The following OR2A5 variants were observed in gnomAD, a reference collection of about 807,000 sequenced individuals.
The protein encoded by OR2A5 is olfactory receptor family 2 subfamily A member 5.
OR2A5 carries 2 observed loss-of-function variants against 1.9 expected under a neutral mutation model. The ratio of observed to expected loss-of-function variants is 1.04; its 90% CI spans 0.43 to 3.28. OR2A5 has a LOEUF of 3.28. Among genes scored for constraint, OR2A5 ranks in the 30% most tolerant of loss-of-function variants. The pLI, the probability that OR2A5 is intolerant of heterozygous loss-of-function variation, is 0.08. For synonymous variants in OR2A5, 160 were observed against 154.5 expected (o/e 1.04, Z -0.26); for missense variants, 391 against 375.9 (o/e 1.04, Z -0.33).
Position 144,058,173 on chromosome 7 carries a change from C to G in OR2A5, c.*6836C>G, listed in dbSNP as rs2050954942. 6.6e-6 allele frequency: 1 copy of G among 152,218 alleles called. No individual in the cohort carries two copies. Among genetic ancestry groups the G allele is most frequent in the Non-Finnish European group, 1.5e-5 (1 of 68,050 alleles). 9.4% of individuals were successfully genotyped at this position (152,218 alleles called of 1,614,324 possible). A position where few individuals can be genotyped will look rare whatever the true frequency, so the allele number is the denominator to read the frequency against. On this transcript the variant is annotated 3_prime_UTR_variant, in exon 2 of 2. Coordinates refer to ENST00000641693, the MANE Select transcript of OR2A5 (RefSeq NM_012365.2). ...CATGAGTCACTGGTCAGCTCAGCGGCTATCCCGACCTGCTGCCTGACTCCC... is the reference window on the plus strand; with the variant it reads ...CATGAGTCACTGGTCAGCTCAGCGGGTATCCCGACCTGCTGCCTGACTCCC...
At position 144,050,613 on chromosome 7, in the gene OR2A5, C is replaced by T. The variant is rs149614119; in HGVS notation, c.212C>T (p.Ser71Leu). The change falls in exon 2 of 2, where the codon TCG (serine) becomes TTG (leucine). Residue 71 changes from serine to leucine, a missense_variant. Ser to Leu is a moderately radical substitution (Grantham distance 145). Coordinates refer to ENST00000641693, the MANE Select transcript of OR2A5 (RefSeq NM_012365.2). ...FLSHLAIIDI[S>L]YASNNVPKML... ...TCACACCTGGCCATCATTGATATTT[C>T]GTATGCTTCCAACAATGTCCCCAAG... 20 of 1,612,418 alleles carry T rather than the reference C, an allele frequency of 1.2e-5. No homozygotes were observed. Among genetic ancestry groups the T allele is most frequent in the Middle Eastern group, 1.7e-4 (1 of 6,050 alleles).
intron 1 of OR2A5, among the ~76,000 whole-genome samples, 194 bp downstream of exon 1, chr7:144,049,327 A>T (rs1043142682): frequency 2.0e-5 from 3 of 152,224 alleles, no homozygotes; most frequent in Non-Finnish European, 4.4e-5. Flanking sequence ...TGACGCATTG[A>T]TCATTTAACA....
At chr7:144,049,605 G>A (rs768993224) in intron 1 of OR2A5, among the ~76,000 whole-genome samples, 2 of 152,144 alleles carry the variant, frequency 1.3e-5, no homozygotes, top group Non-Finnish European at 2.9e-5. Context: ...GCAAAGGGGT[G>A]GGGTGAAGGC....
chr7:144,053,751 A>C lies in OR2A5; in HGVS notation c.*2414A>C, dbSNP rs113539855. On this transcript the variant is annotated 3_prime_UTR_variant, in exon 2 of 2. Transcript: ENST00000641693. ...AACGGAGTTTACAGTATTATAGCCA[A>C]AGTCTTAACACCAGAAAGAATACAT... The C allele has an allele frequency of 1.1e-4, 16 of 152,356 alleles. 1 individual carries two copies. The highest frequency in any genetic ancestry group is 3.8e-4 in the African/African-American group (16 of 41,576). 9.4% of individuals were successfully genotyped at this position (152,356 alleles called of 1,614,324 possible). A position where few individuals can be genotyped will look rare whatever the true frequency, so the allele number is the denominator to read the frequency against.
rs748459892 is a variant in OR2A5, at chr7:144,051,338, G to A, written c.*1G>A. 4.4e-6 allele frequency: 7 copies of A among 1,593,764 alleles called. No individual in the cohort carries two copies. In the South Asian group the frequency reaches 8.0e-5, roughly 18 times the overall value. On this transcript the variant is annotated 3_prime_UTR_variant, in exon 2 of 2. Transcript: ENST00000641693. Reference sequence around the variant, plus strand: ...GTTGTGGAAACAGAGATCAAAGTGAGGGATGCCAGGGAAAGTCTAGAGGGT... The same window carrying A: ...GTTGTGGAAACAGAGATCAAAGTGAAGGATGCCAGGGAAAGTCTAGAGGGT...
rs1222199524 is a variant in OR2A5 at position 144,049,131 on chromosome 7, A to G, written c.-54A>G. 6.6e-6 allele frequency: 1 copy of G among 152,236 alleles called. No individual in the cohort carries two copies. Among genetic ancestry groups the G allele is most frequent in the Non-Finnish European group, 1.5e-5 (1 of 68,062 alleles). 9.4% of individuals were successfully genotyped at this position (152,236 alleles called of 1,614,324 possible). On this transcript the variant is annotated splice_region_variant and 5_prime_UTR_variant, in exon 1 of 2. Coordinates refer to ENST00000641693, the MANE Select transcript of OR2A5 (RefSeq NM_012365.2). ...CTGAGACAAGACCAGGCCTGATACCACAGTGAGTAAAGGGTCTTTTGCAAA... is the reference window on the plus strand; with the variant it reads ...CTGAGACAAGACCAGGCCTGATACCGCAGTGAGTAAAGGGTCTTTTGCAAA...
rs771017848 is a variant in OR2A5, at chr7:144,052,050, A to C, written c.*713A>C. 1 of 152,224 alleles carries C rather than the reference A, an allele frequency of 6.6e-6. No homozygotes were observed. The highest frequency in any genetic ancestry group is 1.5e-5 in the Non-Finnish European group (1 of 68,036). The allele number at this position is 152,224 out of a possible 1,614,324, so 9.4% of individuals were successfully genotyped here. On this transcript the variant is annotated 3_prime_UTR_variant, in exon 2 of 2. Transcript: ENST00000641693. ...GTTATTAGGGATAGTTACCTTTTTC[A>C]TAATTCAGATCGCAAAGCCGGGTGT...
In OR2A5 at chr7:144,050,644, G is replaced by T; in HGVS notation, c.243G>T (p.Leu81=). ...SYASNNVPKM[L]TNLGLNKRKT... is the part of the protein sequence containing the mutation. The stretch of plus-strand genomic sequence containing the variant: ...CTTCCAACAATGTCCCCAAGATGCT[G>T]ACAAACCTTGGCTTGAACAAGAGAA... Residue 81 remains leucine, a synonymous_variant, in exon 2 of 2, where the codon CTG becomes CTT. Transcript: ENST00000641693. 1 of 1,613,886 alleles carries T rather than the reference G, an allele frequency of 6.2e-7. No homozygotes were observed. The highest frequency in any genetic ancestry group is 8.5e-7 in the Non-Finnish European group (1 of 1,179,902).
chr7:144,049,510 A>G (rs1452057220), intron 1 of OR2A5, among the ~76,000 whole-genome samples: 2 of 152,190 alleles, frequency 1.3e-5, no homozygotes, highest in Admixed American at 1.3e-4. Flanking sequence ...TCGTCCATCC[A>G]TCCATCCATC....
In OR2A5 at chr7:144,057,002, GACGGGGTTTC is replaced by G. The variant is rs2050946199; in HGVS notation, c.*5668_*5677del. 1 of 151,994 alleles carries G rather than the reference GACGGGGTTTC, an allele frequency of 6.6e-6. No homozygotes were observed. 9.4% of individuals were successfully genotyped at this position (151,994 alleles called of 1,614,324 possible). ...GCTAATTTTTTGCATTTTTAGTAGA[GACGGGGTTTC>G]ACTGTGTTAGCCAGGATGGTCTCGA... On this transcript the variant is annotated 3_prime_UTR_variant, in exon 2 of 2. Coordinates refer to ENST00000641693, the MANE Select transcript of OR2A5 (RefSeq NM_012365.2).
rs908510383 is a variant in OR2A5, at chr7:144,055,985, A to G, written c.*4648A>G. The G allele has an allele frequency of 4.6e-5, 7 of 152,284 alleles. No individual in the cohort carries two copies. The highest frequency in any genetic ancestry group is 1.7e-4 in the African/African-American group (7 of 41,468). The allele number at this position is 152,284 out of a possible 1,614,324, so 9.4% of individuals were successfully genotyped here. A position where few individuals can be genotyped will look rare whatever the true frequency, so the allele number is the denominator to read the frequency against. On this transcript the variant is annotated 3_prime_UTR_variant, in exon 2 of 2. Transcript: ENST00000641693. ...GAGAGGAAATGAAAAAGACAAAATT[A>G]GCCCCCAAGGCAAGATAAACATCTC...
In OR2A5 at chr7:144,051,295, G is replaced by C; in HGVS notation, c.894G>C (p.Lys298Asn). 1 of 1,613,124 alleles carries C rather than the reference G, an allele frequency of 6.2e-7. No homozygotes were observed. Among genetic ancestry groups the C allele is most frequent in the East Asian group, 2.2e-5 (1 of 44,876 alleles). The stretch of plus-strand genomic sequence containing the variant: ...ATAGCCTGAGGAACGCAGAGGTCAA[G>C]GGTGCCCTGAAAAGAGTGTTGTGGA... ...LIYSLRNAEV[K>N]GALKRVLWKQ... is the part of the protein sequence containing the mutation. The change falls in exon 2 of 2, where the codon AAG becomes AAC. Residue 298 changes from lysine (K) to asparagine (N), a missense_variant. By Grantham distance (94) the Lys-to-Asn change is moderately conservative. Coordinates refer to ENST00000641693, the MANE Select transcript of OR2A5 (RefSeq NM_012365.2).
intron 1 of OR2A5, among the ~76,000 whole-genome samples, 191 bp downstream of exon 1, chr7:144,049,324 T>C (rs1407137620): frequency 6.6e-6 from 1 of 152,236 alleles, no homozygotes; most frequent in African/African-American, 2.4e-5. Flanking sequence ...GAATGACGCA[T>C]TGATCATTTA....
rs747770267 is a variant in OR2A5 at position 144,050,704 on chromosome 7, CT to C, written c.308del (p.Leu103TyrfsTer14). The C allele has an allele frequency of 1.2e-6, 2 of 1,614,122 alleles. No individual in the cohort carries two copies. The highest frequency in any genetic ancestry group is 1.7e-6 in the Non-Finnish European group (2 of 1,180,020). Reference protein sequence around the residue: ...ISFVPCTMQTFLYMAFAHTEC... With the variant: ...ISFVPCTMQTXLYMAFAHTEC... ...CCTTTGTCCCATGCACAATGCAGAC[CT>C]TTTTATACATGGCTTTTGCTCACAC... On this transcript the variant is annotated frameshift_variant, in exon 2 of 2. Coordinates refer to ENST00000641693, the MANE Select transcript of OR2A5 (RefSeq NM_012365.2). LOFTEE classifies it low-confidence loss of function (END_TRUNC).
chr7:144,054,618 G>T lies in OR2A5; in HGVS notation c.*3281G>T, dbSNP rs946097155. The T allele has an allele frequency of 2.0e-5, 3 of 152,192 alleles. No homozygotes were observed. Among genetic ancestry groups the T allele is most frequent in the African/African-American group, 7.2e-5 (3 of 41,448 alleles). The allele number at this position is 152,192 out of a possible 1,614,324, so 9.4% of individuals were successfully genotyped here. A position where few individuals can be genotyped will look rare whatever the true frequency, so the allele number is the denominator to read the frequency against. On this transcript the variant is annotated 3_prime_UTR_variant, in exon 2 of 2. Coordinates refer to ENST00000641693, the MANE Select transcript of OR2A5 (RefSeq NM_012365.2). ...TTGGGGAAGGTCTCCACCAAAGGAG[G>T]TTGAAGGTTAGTACACAGGAGGTTG...
chr7:144,050,594 C>G lies in OR2A5; in HGVS notation c.193C>G (p.Leu65Val), dbSNP rs988790481. The change falls in exon 2 of 2, where the codon CTG becomes GTG. Residue 65 changes from leucine to valine, a missense_variant. By Grantham distance (32) the Leu-to-Val change is conservative (BLOSUM62 1). Transcript: ENST00000641693. ...CCCCATGTACTTCTTTCTCTCACAC[C>G]TGGCCATCATTGATATTTCGTATGC... The part of the protein sequence containing the change: ...HTPMYFFLSH[L>V]AIIDISYASN... The G allele has an allele frequency of 6.2e-7, 1 of 1,611,388 alleles. No homozygotes were observed. Among genetic ancestry groups the G allele is most frequent in the Non-Finnish European group, 8.5e-7 (1 of 1,178,650 alleles).
rs569979799 is a variant in OR2A5 at position 144,054,641 on chromosome 7, T to C, written c.*3304T>C. 141 of 152,238 alleles carry C rather than the reference T, an allele frequency of 9.3e-4. No individual in the cohort carries two copies. Among genetic ancestry groups the C allele is most frequent in the African/African-American group, 3.2e-3 (133 of 41,526 alleles). The allele number at this position is 152,238 out of a possible 1,614,324, so 9.4% of individuals were successfully genotyped here. A position where few individuals can be genotyped will look rare whatever the true frequency, so the allele number is the denominator to read the frequency against. On this transcript the variant is annotated 3_prime_UTR_variant, in exon 2 of 2. Coordinates refer to ENST00000641693, the MANE Select transcript of OR2A5 (RefSeq NM_012365.2). ...AGGTTGAAGGTTAGTACACAGGAGG[T>C]TGGGTATGAAATGGTGTTCATTGTT...
rs935266213 is a variant in OR2A5 at position 144,055,048 on chromosome 7, A to G, written c.*3711A>G. 6.6e-6 allele frequency: 1 copy of G among 152,212 alleles called. No individual in the cohort carries two copies. Among genetic ancestry groups the G allele is most frequent in the African/African-American group, 2.4e-5 (1 of 41,450 alleles). 9.4% of individuals were successfully genotyped at this position (152,212 alleles called of 1,614,324 possible). A position where few individuals can be genotyped will look rare whatever the true frequency, so the allele number is the denominator to read the frequency against. On this transcript the variant is annotated 3_prime_UTR_variant, in exon 2 of 2. Coordinates refer to ENST00000641693, the MANE Select transcript of OR2A5 (RefSeq NM_012365.2). ...TATAGATGAGCAAATAAATGAGTGCATAGCCATAAATAATTTTTGAAATGA... is the reference window on the plus strand; with the variant it reads ...TATAGATGAGCAAATAAATGAGTGCGTAGCCATAAATAATTTTTGAAATGA...
At position 144,051,962 on chromosome 7, in the gene OR2A5, T is replaced by A. The variant is rs530077642; in HGVS notation, c.*625T>A. 1 of 152,256 alleles carries A rather than the reference T, an allele frequency of 6.6e-6. No homozygotes were observed. Among genetic ancestry groups the A allele is most frequent in the Non-Finnish European group, 1.5e-5 (1 of 68,068 alleles). 9.4% of individuals were successfully genotyped at this position (152,256 alleles called of 1,614,324 possible). A position where few individuals can be genotyped will look rare whatever the true frequency, so the allele number is the denominator to read the frequency against. ...GGATCTTTGTTTCATTTCACTTAAT[T>A]CTGCACCATTTAATTAGAAAGAGTT... On this transcript the variant is annotated 3_prime_UTR_variant, in exon 2 of 2. Transcript: ENST00000641693.
Sources: gnomAD v4.1 joint callset for allele counts (sites outside exome capture counted in the v4.1 genomes callset) on GRCh38, gnomAD v4.1.1 for gene constraint, MANE v1.5 for transcripts, NCBI Gene and HGNC (gene_info 2026-07-23, HGNC 2026-07-21) for gene names.